NUBPL: variants seen among roughly 807,000 people sequenced by gnomAD.
NUBPL encodes the protein NUBP iron-sulfur cluster assembly factor, mitochondrial, also known as iron-sulfur cluster transfer protein NUBPL.
In NUBPL, 31 loss-of-function variants were observed where a neutral mutation model predicts 45.7. That is an observed-to-expected ratio of 0.68 (90% CI 0.51 to 0.92). NUBPL has a LOEUF of 0.92. NUBPL is among the 40% of genes least tolerant of loss of function. The probability of loss-of-function intolerance (pLI) is 0.00; values close to 1 mark genes in which losing one functional copy is unlikely to be tolerated. For missense variants in NUBPL, 401 were observed against 398.7 expected (o/e 1.01, Z -0.05); for synonymous variants, 144 against 140.9 (o/e 1.02, Z -0.15).
intron 4 of NUBPL, among the ~76,000 whole-genome samples, chr14:31,636,169 C>T (rs562767415): frequency 3.7e-4 from 56 of 151,916 alleles, no homozygotes; most frequent in African/African-American, 1.3e-3. Flanking sequence ...GTCTTGTGTC[C>T]GTTTTCAAAG....
At chr14:31,793,828 C>CTTT (rs55698198) in intron 7 of NUBPL, among the ~76,000 whole-genome samples, 2,755 of 127,490 alleles carry the variant, frequency 0.022, 69 homozygotes, top group South Asian at 0.043. Context: ...CCTTATCTTT[C>CTTT]TTTTTTTTTT....
At chr14:31,710,967 A>T (rs2037557876) in intron 6 of NUBPL, among the ~76,000 whole-genome samples, 1 of 152,218 alleles carries the variant, frequency 6.6e-6, no homozygotes, top group African/African-American at 2.4e-5. Context: ...TTCTTATAGG[A>T]GAAACTAGAA....
chr14:31,605,966 C>T (rs2034584289), intron 4 of NUBPL, among the ~76,000 whole-genome samples: 2 of 142,692 alleles, frequency 1.4e-5, no homozygotes, highest in South Asian at 4.6e-4. Flanking sequence ...TCCTCCTCTT[C>T]TCCCCTCTCC....
intron 8 of NUBPL, chr14:31,843,937 G>C (rs933505849): frequency 6.6e-6 from 1 of 152,148 alleles, no homozygotes; most frequent in Non-Finnish European, 1.5e-5. Context: ...GCTCCAAAGG[G>C]TAAGGATCAA....
chr14:31,807,201 T>A (rs1468606304), intron 7 of NUBPL, among the ~76,000 whole-genome samples: 3 of 152,200 alleles, frequency 2.0e-5, no homozygotes, highest in Admixed American at 2.0e-4. Context: ...CGCCACACTG[T>A]CTTCCACAAT....
intron 4 of NUBPL, among the ~76,000 whole-genome samples, chr14:31,658,208 T>C (rs1017160653): frequency 1.3e-5 from 2 of 152,212 alleles, no homozygotes; most frequent in Non-Finnish European, 2.9e-5. Context: ...TCATGTATGT[T>C]GGAGTAACTG....
intron 6 of NUBPL, among the ~76,000 whole-genome samples, chr14:31,700,581 C>G (rs2037309729): frequency 6.6e-6 from 1 of 152,072 alleles, no homozygotes. Flanking sequence ...TGCATGTGGC[C>G]CTTGCAGGCC....
rs193025360 is a variant in NUBPL, at chr14:31,728,951, C to T, written c.513+55377C>T. On this transcript the variant is annotated intron_variant, in intron 6 of 10. Transcript: ENST00000281081. ...AATTGAAATAATTAAGGAGTTTAAGCACCTGAAATTGAAAGAGTTTACTCA... is the reference window on the plus strand; with the variant it reads ...AATTGAAATAATTAAGGAGTTTAAGTACCTGAAATTGAAAGAGTTTACTCA... Among the ~76,000 whole-genome samples, 12 of 152,168 alleles carry T rather than the reference C, an allele frequency of 7.9e-5. No homozygotes were observed. The East Asian group carries it at 1.2e-3, about 15-fold the overall frequency.
intron 4 of NUBPL, among the ~76,000 whole-genome samples, chr14:31,632,157 T>A (rs1410291678): frequency 6.6e-6 from 1 of 152,172 alleles, no homozygotes; most frequent in Non-Finnish European, 1.5e-5. Flanking sequence ...GAGGGACTAT[T>A]TACAAGATGT....
intron 6 of NUBPL, among the ~76,000 whole-genome samples, chr14:31,787,081 G>A (rs1021040009): frequency 6.6e-6 from 1 of 152,070 alleles, no homozygotes; most frequent in African/African-American, 2.4e-5. Flanking sequence ...AAAAGGAAGA[G>A]TTATTGTCAT....
intron 6 of NUBPL, among the ~76,000 whole-genome samples, chr14:31,710,750 T>C (rs2037553233): frequency 6.6e-6 from 1 of 152,168 alleles, no homozygotes; most frequent in South Asian, 2.1e-4. Context: ...TCTTCACTTA[T>C]ATGAATAGGA....
chr14:31,571,324 C>CA (rs879374297), intron 3 of NUBPL, among the ~76,000 whole-genome samples: 5,781 of 134,046 alleles, frequency 0.043, 128 homozygotes, highest in Admixed American at 0.073. Flanking sequence ...TATGATCTGT[C>CA]AAAAAAAAAA....
intron 4 of NUBPL, among the ~76,000 whole-genome samples, chr14:31,622,589 A>G (rs373428844): frequency 6.6e-5 from 10 of 152,326 alleles, no homozygotes; most frequent in African/African-American, 1.9e-4. Context: ...CCTACATCCC[A>G]GACACTCTAG....
rs548685028 is a variant in NUBPL at position 31,601,622 on chromosome 14, A to G, written c.382+2243A>G. ...TCAAAAGAAGACATTTATGCAGCCA[A>G]AAAAACACATGAAAACTGCTCACCA... On this transcript the variant is annotated intron_variant, in intron 4 of 10. Coordinates refer to ENST00000281081, the MANE Select transcript of NUBPL (RefSeq NM_025152.3). Among the ~76,000 whole-genome samples the G allele has an allele frequency of 6.6e-5, 10 of 152,350 alleles. No homozygotes were observed. The East Asian group carries it at 1.9e-3, about 29-fold the overall frequency.
At chr14:31,840,332 G>A (rs1008365597) in intron 8 of NUBPL, among the ~76,000 whole-genome samples, 2 of 152,142 alleles carry the variant, frequency 1.3e-5, no homozygotes, top group Non-Finnish European at 2.9e-5. Flanking sequence ...CCAGCACTTT[G>A]GGAGGCCAAG....
intron 4 of NUBPL, among the ~76,000 whole-genome samples, chr14:31,659,172 AG>A (rs1347149217): frequency 6.6e-6 from 1 of 152,224 alleles, no homozygotes; most frequent in African/African-American, 2.4e-5. Context: ...AAATATCTAA[AG>A]TGTCTAAAAT....
At chr14:31,602,895 C>G (rs2034482879) in intron 4 of NUBPL, among the ~76,000 whole-genome samples, 2 of 152,052 alleles carry the variant, frequency 1.3e-5, no homozygotes, top group South Asian at 4.1e-4. Flanking sequence ...TATTTTCTTT[C>G]CCTAGCCTCT....
chr14:31,744,019 G>A (rs2038342777), intron 6 of NUBPL, among the ~76,000 whole-genome samples: 1 of 152,122 alleles, frequency 6.6e-6, no homozygotes, highest in South Asian at 2.1e-4. Flanking sequence ...GAATGCTGAA[G>A]AAAGTGTTAG....
intron 6 of NUBPL, among the ~76,000 whole-genome samples, chr14:31,682,564 A>G (rs983388919): frequency 2.0e-5 from 3 of 151,910 alleles, no homozygotes; most frequent in East Asian, 1.9e-4. Flanking sequence ...TTTTTTCCTC[A>G]TATGTTTCAT....
Sources: gnomAD v4.1 joint callset for allele counts (sites outside exome capture counted in the v4.1 genomes callset) on GRCh38, gnomAD v4.1.1 for gene constraint, MANE v1.5 for transcripts, NCBI Gene and HGNC (gene_info 2026-07-23, HGNC 2026-07-21) for gene names.